Variants in FARS2 observed in about 807,000 individuals in gnomAD.
FARS2 encodes phenylalanyl-tRNA synthetase 2, mitochondrial, also known as phenylalanine--tRNA ligase, mitochondrial.
FARS2 carries 40 observed loss-of-function variants against 46.4 expected under a neutral mutation model. That is an observed-to-expected ratio of 0.86 (90% CI 0.67 to 1.12). The LOEUF is 1.12. FARS2 is among the 50% of genes most tolerant of loss of function. The probability of loss-of-function intolerance (pLI) is 0.00; values close to 1 mark genes in which losing one functional copy is unlikely to be tolerated. For missense variants in FARS2, 513 were observed against 567.9 expected (o/e 0.90, Z 0.98); for synonymous variants, 234 against 214.9 (o/e 1.09, Z -0.78).
At chr6:5,738,073 T>G (rs1761065319) in intron 6 of FARS2, among the ~76,000 whole-genome samples, 1 of 152,186 alleles carries the variant, frequency 6.6e-6, no homozygotes, top group African/African-American at 2.4e-5. Flanking sequence ...ACTTCAGCCT[T>G]CTGAGTACTT....
chr6:5,378,160 C>A (rs1404514077), intron 2 of FARS2, among the ~76,000 whole-genome samples: 1 of 152,134 alleles, frequency 6.6e-6, no homozygotes, highest in African/African-American at 2.4e-5. Flanking sequence ...CCACCCACCC[C>A]TTTAAACATA....
Position 5,368,727 on chromosome 6 carries a change from C to A in FARS2, c.157C>A (p.Leu53Met). The A allele has an allele frequency of 1.2e-6, 2 of 1,614,178 alleles. No homozygotes were observed. The change falls in exon 2 of 7, where the codon CTG becomes ATG. Residue 53 changes from leucine (L) to methionine (M), a missense_variant. Leu to Met is a conservative substitution (Grantham distance 15, BLOSUM62 2). Transcript: ENST00000274680. ...TQRAPGSVVE[L>M]LGKSYPQDDH... Reference sequence around the variant, plus strand: ...AAGAGCTCCAGGCAGTGTGGTGGAGCTGCTGGGCAAATCCTACCCTCAGGA... The same window carrying A: ...AAGAGCTCCAGGCAGTGTGGTGGAGATGCTGGGCAAATCCTACCCTCAGGA...
chr6:5,346,373 T>G (rs1185502866), intron 1 of FARS2, among the ~76,000 whole-genome samples: 2 of 152,188 alleles, frequency 1.3e-5, no homozygotes, highest in Non-Finnish European at 2.9e-5. Flanking sequence ...TCATTAAAAT[T>G]ATTTTATATG....
intron 6 of FARS2, among the ~76,000 whole-genome samples, chr6:5,694,261 T>C (rs917610314): frequency 2.7e-4 from 41 of 152,366 alleles, no homozygotes; most frequent in African/African-American, 9.1e-4. Flanking sequence ...GCAGCAGTCT[T>C]GATGCTAAGT....
At chr6:5,458,722 C>T (rs754736186) in intron 4 of FARS2, among the ~76,000 whole-genome samples, 1 of 152,098 alleles carries the variant, frequency 6.6e-6, no homozygotes, top group Non-Finnish European at 1.5e-5. Flanking sequence ...CTAAGAATGG[C>T]AGGGAGTAAA....
chr6:5,260,677 C>A, upstream of FARS2: 1 of 1,537,740 alleles, frequency 6.5e-7, no homozygotes, highest in African/African-American at 1.4e-5. Context: ...AACGCTTGCT[C>A]TCTCTCAGCA....
chr6:5,732,752 C>A (rs1760715092), intron 6 of FARS2, among the ~76,000 whole-genome samples: 1 of 152,098 alleles, frequency 6.6e-6, no homozygotes, highest in Non-Finnish European at 1.5e-5. Context: ...TAGTGAGTCT[C>A]CTCTTCGCTT....
chr6:5,655,133 G>C (rs1277198298), intron 6 of FARS2, among the ~76,000 whole-genome samples: 1 of 152,106 alleles, frequency 6.6e-6, no homozygotes, highest in African/African-American at 2.4e-5. Flanking sequence ...CTGGGTGAGG[G>C]GTTGGTGGCC....
chr6:5,517,533 A>T (rs1323488262), intron 4 of FARS2, among the ~76,000 whole-genome samples: 1 of 151,668 alleles, frequency 6.6e-6, no homozygotes, highest in Admixed American at 6.6e-5. Context: ...AATCGCTTGA[A>T]CCTGGGAGGT....
chr6:5,285,980 C>T (rs575645644), intron 1 of FARS2, among the ~76,000 whole-genome samples: 7 of 152,320 alleles, frequency 4.6e-5, no homozygotes, highest in Admixed American at 1.3e-4. Context: ...ATACACCTGC[C>T]TAGAACACTT....
At chr6:5,550,282 T>C (rs576044159) in intron 5 of FARS2, among the ~76,000 whole-genome samples, 2 of 152,308 alleles carry the variant, frequency 1.3e-5, no homozygotes, top group African/African-American at 4.8e-5. Flanking sequence ...TTAAAGTTCT[T>C]TTATTTATTT....
intron 6 of FARS2, among the ~76,000 whole-genome samples, chr6:5,640,248 A>G (rs993916133): frequency 2.0e-5 from 3 of 152,084 alleles, no homozygotes; most frequent in African/African-American, 7.2e-5. Context: ...ATTCTGTATG[A>G]GGTCCCGTAT....
chr6:5,367,417 ACT>A (rs1758756338), intron 1 of FARS2, among the ~76,000 whole-genome samples: 1 of 151,754 alleles, frequency 6.6e-6, no homozygotes, highest in African/African-American at 2.4e-5. Context: ...ACATCTCAAG[ACT>A]CTCCTTATTG....
intron 4 of FARS2, among the ~76,000 whole-genome samples, chr6:5,437,053 A>G (rs1480250195): frequency 6.6e-6 from 1 of 152,160 alleles, no homozygotes; most frequent in Non-Finnish European, 1.5e-5. Context: ...CCCTTTTTGT[A>G]ATCTGTTCCT....
chr6:5,735,746 C>A (rs1760902544), intron 6 of FARS2, among the ~76,000 whole-genome samples: 1 of 152,168 alleles, frequency 6.6e-6, no homozygotes, highest in Admixed American at 6.5e-5. Flanking sequence ...AATGTTCTAA[C>A]CCTTCAAATT....
intron 6 of FARS2, among the ~76,000 whole-genome samples, chr6:5,743,016 G>A (rs527569564): frequency 6.6e-6 from 1 of 151,982 alleles, no homozygotes; most frequent in Non-Finnish European, 1.5e-5. Flanking sequence ...GGAGTGGGGT[G>A]TATATAAGGC....
chr6:5,317,032 C>T lies in FARS2; in HGVS notation c.-21-51518C>T, dbSNP rs559454826. ...ACTCACCTCCTGTCACACTCACCTC[C>T]TCTCACACTCGCCTCCACATCAGTT... is the stretch of plus-strand genomic sequence containing the variant. On this transcript the variant is annotated intron_variant, in intron 1 of 6. Coordinates refer to ENST00000274680, the MANE Select transcript of FARS2 (RefSeq NM_006567.5). Among the ~76,000 whole-genome samples the T allele has an allele frequency of 2.4e-4, 37 of 152,310 alleles. No individual in the cohort carries two copies. The East Asian group carries it at 6.9e-3, about 29-fold the overall frequency.
intron 2 of FARS2, among the ~76,000 whole-genome samples, chr6:5,390,411 TCCTG>T (rs1351340259): frequency 6.6e-6 from 1 of 152,220 alleles, no homozygotes; most frequent in Non-Finnish European, 1.5e-5. Context: ...CCTTGATGGA[TCCTG>T]CCTTTTATGA....
At chr6:5,300,896 A>G (rs1768253558) in intron 1 of FARS2, among the ~76,000 whole-genome samples, 1 of 151,660 alleles carries the variant, frequency 6.6e-6, no homozygotes, top group South Asian at 2.1e-4. Flanking sequence ...TGTTGTAAAC[A>G]TGGGGTCTTG....
Sources: gnomAD v4.1 joint callset for allele counts (sites outside exome capture counted in the v4.1 genomes callset) on GRCh38, gnomAD v4.1.1 for gene constraint, MANE v1.5 for transcripts, NCBI Gene and HGNC (gene_info 2026-07-23, HGNC 2026-07-21) for gene names.